Variants in NRXN3 observed in about 807,000 individuals in gnomAD.
The protein encoded by NRXN3 is neurexin III.
In NRXN3, 32 loss-of-function variants were observed where a neutral mutation model predicts 137.6. The observed-to-expected ratio is 0.23, with a 90% CI of 0.18 to 0.31. The LOEUF is 0.31. Ranked by LOEUF, NRXN3 falls within the 10% of genes least tolerant of loss-of-function variation. NRXN3 has a pLI of 1.00. For synonymous variants in NRXN3, 798 were observed against 784.5 expected, an observed-to-expected ratio of 1.02 and a Z score of -0.29; for missense variants, 1,574 against 2,062.5, an observed-to-expected ratio of 0.76 and a Z score of 4.59.
At chr14:78,443,435 A>G (rs1223399735) in intron 4 of NRXN3, among the ~76,000 whole-genome samples, 3 of 152,150 alleles carry the variant, frequency 2.0e-5, no homozygotes, top group Non-Finnish European at 4.4e-5. Flanking sequence ...CCACCTGATC[A>G]TCTAAAATCC....
chr14:79,739,066 TCTC>T (rs1350304795), intron 19 of NRXN3, among the ~76,000 whole-genome samples: 119 of 152,254 alleles, frequency 7.8e-4, no homozygotes, highest in African/African-American at 2.6e-3. Flanking sequence ...TCAAAATAAG[TCTC>T]CTGCCATCCC....
chr14:78,956,960 T>C (rs975280560), intron 10 of NRXN3, among the ~76,000 whole-genome samples: 17 of 152,218 alleles, frequency 1.1e-4, no homozygotes, highest in African/African-American at 3.6e-4. Flanking sequence ...TGTAAATGAT[T>C]GCTTACTGCC....
chr14:78,993,752 G>A (rs1303929900), intron 15 of NRXN3, among the ~76,000 whole-genome samples: 1 of 149,540 alleles, frequency 6.7e-6, no homozygotes, highest in African/African-American at 2.4e-5. Context: ...ATAAGGTGGA[G>A]TAATGGCAGC....
At chr14:78,175,850 T>C (rs112357810) in intron 1 of NRXN3, among the ~76,000 whole-genome samples, 3 of 152,368 alleles carry the variant, frequency 2.0e-5, no homozygotes, top group African/African-American at 7.2e-5. Flanking sequence ...TTCCAGCCCA[T>C]GACACTGTCT....
intron 20 of NRXN3, among the ~76,000 whole-genome samples, chr14:79,850,941 A>G (rs1011514582): frequency 3.3e-5 from 5 of 152,220 alleles, no homozygotes; most frequent in African/African-American, 1.2e-4. Flanking sequence ...TAAAAAATAC[A>G]CATATGATTT....
At chr14:78,471,019 C>T (rs1233452958) in intron 4 of NRXN3, among the ~76,000 whole-genome samples, 2 of 152,064 alleles carry the variant, frequency 1.3e-5, no homozygotes, top group Non-Finnish European at 2.9e-5. Flanking sequence ...GTAACCTAGA[C>T]TTGTTCTTGC....
intron 15 of NRXN3, among the ~76,000 whole-genome samples, chr14:79,053,409 G>C (rs932385256): frequency 6.6e-6 from 1 of 152,158 alleles, no homozygotes; most frequent in Non-Finnish European, 1.5e-5. Context: ...TTGATCCAGG[G>C]CTCCCTGGCT....
chr14:79,745,784 C>CTGCA (rs2154083509), intron 19 of NRXN3, among the ~76,000 whole-genome samples: 1 of 151,980 alleles, frequency 6.6e-6, no homozygotes, highest in East Asian at 1.9e-4. Context: ...GAATAATTTC[C>CTGCA]TCTTCCTAGT....
intron 4 of NRXN3, among the ~76,000 whole-genome samples, chr14:78,321,338 G>A (rs1431813430): frequency 6.6e-6 from 1 of 151,868 alleles, no homozygotes; most frequent in Non-Finnish European, 1.5e-5. Flanking sequence ...ATGGGTCAGG[G>A]GTTACAATCA....
At chr14:79,139,004 G>T (rs1032608828) in intron 15 of NRXN3, among the ~76,000 whole-genome samples, 3 of 152,156 alleles carry the variant, frequency 2.0e-5, no homozygotes, top group Non-Finnish European at 4.4e-5. Flanking sequence ...TGAAAAATTT[G>T]CAGGTGATGC....
chr14:78,661,464 T>C lies in NRXN3; in HGVS notation c.1221+10138T>C, dbSNP rs186018757. On this transcript the variant is annotated intron_variant, in intron 6 of 20. Coordinates refer to ENST00000335750, the MANE Select transcript of NRXN3 (RefSeq NM_001330195.2). ...CCTGATTAAGTGGATTTTTTTGGCC[T>C]ATATGAAAGTTTTTGTAAGATGGCA... Among the ~76,000 whole-genome samples the C allele has an allele frequency of 1.4e-3, 206 of 152,344 alleles. 1 individual carries two copies. The highest frequency in any genetic ancestry group is 4.8e-3 in the African/African-American group (199 of 41,580).
intron 10 of NRXN3, among the ~76,000 whole-genome samples, chr14:78,834,882 AAG>A (rs1414549701): frequency 6.6e-6 from 1 of 152,094 alleles, no homozygotes; most frequent in African/African-American, 2.4e-5. Context: ...GTGGGAAGAA[AAG>A]AGAGAGAGGA....
At chr14:78,654,261 C>T (rs2097768864) in intron 6 of NRXN3, among the ~76,000 whole-genome samples, 1 of 152,182 alleles carries the variant, frequency 6.6e-6, no homozygotes, top group Non-Finnish European at 1.5e-5. Context: ...CCCACTTAAA[C>T]CATAGAACAG....
At chr14:79,812,781 G>A (rs1397345006) in intron 20 of NRXN3, among the ~76,000 whole-genome samples, 1 of 152,148 alleles carries the variant, frequency 6.6e-6, no homozygotes, top group Non-Finnish European at 1.5e-5. Context: ...GGATGGACAT[G>A]TTGAAGGGAG....
At chr14:78,680,822 A>G (rs190186463) in intron 6 of NRXN3, among the ~76,000 whole-genome samples, 3 of 152,034 alleles carry the variant, frequency 2.0e-5, no homozygotes, top group Non-Finnish European at 4.4e-5. Context: ...TGTCTGGTCT[A>G]CCTCCTGAAC....
At chr14:79,512,942 T>G (rs771675112) in intron 16 of NRXN3, among the ~76,000 whole-genome samples, 3 of 152,202 alleles carry the variant, frequency 2.0e-5, no homozygotes, top group Admixed American at 6.5e-5. Flanking sequence ...TCTAATGAAA[T>G]GTCATGGAAC....
At chr14:79,448,812 C>A (rs2096115142) in intron 15 of NRXN3, among the ~76,000 whole-genome samples, 1 of 152,056 alleles carries the variant, frequency 6.6e-6, no homozygotes, top group Admixed American at 6.6e-5. Flanking sequence ...GTGTATATCT[C>A]TGATTAAATG....
chr14:78,862,503 TA>T (rs1191257906), intron 10 of NRXN3, among the ~76,000 whole-genome samples: 3 of 152,118 alleles, frequency 2.0e-5, no homozygotes, highest in African/African-American at 7.2e-5. Flanking sequence ...GGATAAATGG[TA>T]AATTGGATCA....
At chr14:79,026,684 G>A (rs555374923) in intron 15 of NRXN3, among the ~76,000 whole-genome samples, 1 of 151,918 alleles carries the variant, frequency 6.6e-6, no homozygotes, top group Non-Finnish European at 1.5e-5. Flanking sequence ...GTTTGTGAAG[G>A]TGTTGACCCA....
Sources: allele counts gnomAD v4.1 joint callset (sites outside exome capture counted in the v4.1 genomes callset), GRCh38; gene constraint gnomAD v4.1.1; transcripts MANE v1.5; gene names NCBI Gene and HGNC (gene_info 2026-07-23, HGNC 2026-07-21).